The following PIP5K1B variants were observed in gnomAD, a reference collection of about 807,000 sequenced individuals.
The protein encoded by PIP5K1B is phosphatidylinositol 4-phosphate 5-kinase type-1 beta.
A neutral mutation model predicts 67.0 loss-of-function variants in PIP5K1B; 42 were observed. That is an observed-to-expected ratio of 0.63 (90% CI 0.49 to 0.81). PIP5K1B has a LOEUF of 0.81. PIP5K1B is among the 30% of genes least tolerant of loss of function. The pLI, the probability that PIP5K1B is intolerant of heterozygous loss-of-function variation, is 0.00. For missense variants in PIP5K1B, 459 were observed against 646.3 expected (o/e 0.71, Z 3.14); for synonymous variants, 214 against 231.4 (o/e 0.92, Z 0.68).
At chr9:68,767,420 C>T (rs181926482) in intron 2 of PIP5K1B, among the ~76,000 whole-genome samples, 28 of 151,868 alleles carry the variant, frequency 1.8e-4, no homozygotes, top group Admixed American at 4.6e-4. Flanking sequence ...ATGGTGAAAC[C>T]GCGTCTCTAC....
chr9:68,914,306 C>A (rs1201910960), intron 8 of PIP5K1B, among the ~76,000 whole-genome samples: 1 of 152,124 alleles, frequency 6.6e-6, no homozygotes, highest in Non-Finnish European at 1.5e-5. Flanking sequence ...TTCTGGGTGC[C>A]TTTTGGGAAC....
At chr9:68,827,550 A>G (rs991699197) in intron 4 of PIP5K1B, among the ~76,000 whole-genome samples, 1 of 152,212 alleles carries the variant, frequency 6.6e-6, no homozygotes, top group Admixed American at 6.5e-5. Flanking sequence ...TGTAGGGGCT[A>G]GTGACAAATG....
intron 15 of PIP5K1B, among the ~76,000 whole-genome samples, chr9:68,996,365 A>G (rs1564304249): frequency 6.6e-6 from 1 of 152,226 alleles, no homozygotes; most frequent in Non-Finnish European, 1.5e-5. Flanking sequence ...TTTAAAGGCC[A>G]TTCACCTTCA....
At chr9:68,976,102 G>A (rs1406242771) in intron 14 of PIP5K1B, among the ~76,000 whole-genome samples, 1 of 152,186 alleles carries the variant, frequency 6.6e-6, no homozygotes, top group African/African-American at 2.4e-5. Flanking sequence ...TCTGACAGCA[G>A]CAAGTATAGA....
chr9:68,737,487 G>A (rs1828795550), intron 1 of PIP5K1B, among the ~76,000 whole-genome samples: 1 of 152,184 alleles, frequency 6.6e-6, no homozygotes, highest in Admixed American at 6.5e-5. Context: ...AAAATTAAAA[G>A]GGTGTTACTA....
At chr9:68,870,829 G>A (rs1452097651) in intron 5 of PIP5K1B, among the ~76,000 whole-genome samples, 2 of 152,200 alleles carry the variant, frequency 1.3e-5, no homozygotes, top group Non-Finnish European at 2.9e-5. Context: ...CTATCACCCA[G>A]GAGTTGCGTA....
intron 1 of PIP5K1B, among the ~76,000 whole-genome samples, chr9:68,713,526 CT>C (rs1484119858): frequency 6.6e-6 from 1 of 152,184 alleles, no homozygotes; most frequent in Non-Finnish European, 1.5e-5. Context: ...AAGTATAAGC[CT>C]CCTGAAGTGT....
chr9:68,824,640 A>G (rs2132080146), intron 4 of PIP5K1B, among the ~76,000 whole-genome samples: 1 of 152,366 alleles, frequency 6.6e-6, no homozygotes, highest in Admixed American at 6.5e-5. Context: ...CTTAAAAAGC[A>G]CCAAGAAGAC....
rs529223741 is a variant in PIP5K1B at position 68,797,941 on chromosome 9, G to A, written c.-85-20520G>A. Among the ~76,000 whole-genome samples, 547 of 152,272 alleles carry A rather than the reference G, an allele frequency of 3.6e-3. 3 individuals are homozygous for A. The highest frequency in any genetic ancestry group is 0.012 in the African/African-American group (509 of 41,562). ...CCAGAGGTTTAGACTAAATAGATAC[G>A]CTGTAAGAGAGCCATAATGATCTTA... On this transcript the variant is annotated intron_variant, in intron 2 of 15. Coordinates refer to ENST00000265382, the MANE Select transcript of PIP5K1B (RefSeq NM_003558.4).
At chr9:68,965,080 C>A (rs1231054734) in intron 14 of PIP5K1B, among the ~76,000 whole-genome samples, 1 of 152,228 alleles carries the variant, frequency 6.6e-6, no homozygotes. Flanking sequence ...GGTAACCTAG[C>A]ATAGAAGCTT....
At chr9:68,824,206 A>C (rs1302639304) in intron 4 of PIP5K1B, 3 of 518,978 alleles carry the variant, frequency 5.8e-6, no homozygotes, top group South Asian at 4.2e-5. Context: ...ATTACTTCAG[A>C]TCAGTTTCAG....
At chr9:68,885,671 T>A (rs746258675) in intron 6 of PIP5K1B, among the ~76,000 whole-genome samples, 76 of 149,210 alleles carry the variant, frequency 5.1e-4, no homozygotes, top group Non-Finnish European at 8.1e-4. Flanking sequence ...TAATGGACAT[T>A]GAAGACTTAG....
chr9:68,898,565 G>A (rs371475174), intron 8 of PIP5K1B, among the ~76,000 whole-genome samples: 11 of 152,112 alleles, frequency 7.2e-5, no homozygotes, highest in East Asian at 3.9e-4. Context: ...GCTGAGATGC[G>A]TGTCCTATTT....
At chr9:68,885,906 G>A (rs566947113) in intron 6 of PIP5K1B, among the ~76,000 whole-genome samples, 7 of 152,322 alleles carry the variant, frequency 4.6e-5, no homozygotes, top group Admixed American at 3.9e-4. Context: ...ATTTGGCCAG[G>A]TGCGGTGGCT....
At chr9:68,798,950 G>A (rs1439368754) in intron 2 of PIP5K1B, among the ~76,000 whole-genome samples, 2 of 152,162 alleles carry the variant, frequency 1.3e-5, no homozygotes, top group Non-Finnish European at 2.9e-5. Context: ...GAAAGAGAGA[G>A]AAATCAAGAA....
chr9:68,784,048 A>G (rs1831464767), intron 2 of PIP5K1B: 1 of 167,016 alleles, frequency 6.0e-6, no homozygotes, highest in African/African-American at 2.4e-5. Flanking sequence ...CTCCTATTTT[A>G]GATCCTTTTC....
At chr9:68,735,416 C>T (rs1828690442) in intron 1 of PIP5K1B, among the ~76,000 whole-genome samples, 1 of 127,894 alleles carries the variant, frequency 7.8e-6, no homozygotes, top group Non-Finnish European at 1.6e-5. Context: ...GTCATGTCTA[C>T]TTAGGCTCCT....
chr9:68,919,445 TA>T, intron 9 of PIP5K1B, 33 bp from the exon 10 acceptor site: 1 of 1,031,440 alleles, frequency 9.7e-7, no homozygotes, highest in African/African-American at 1.6e-5. Flanking sequence ...TTATAATATG[TA>T]ATCAAATATT....
chr9:68,735,316 CTTTTTTTTTTTTT>C (rs558810934), intron 1 of PIP5K1B, among the ~76,000 whole-genome samples: 4 of 29,806 alleles, frequency 1.3e-4, no homozygotes, highest in East Asian at 9.2e-4. Context: ...CCCCTAGTGT[CTTTTTTTTTTTTT>C]TTTTTTTTTT....
Sources: gnomAD v4.1 joint callset for allele counts (sites outside exome capture counted in the v4.1 genomes callset) on GRCh38, gnomAD v4.1.1 for gene constraint, MANE v1.5 for transcripts, NCBI Gene and HGNC (gene_info 2026-07-23, HGNC 2026-07-21) for gene names.